Variants in MIPOL1 observed in about 807,000 individuals in gnomAD.
MIPOL1 encodes the protein mirror-image polydactyly gene 1 protein.
In MIPOL1, 57 loss-of-function variants were observed where a neutral mutation model predicts 60.9. That is an observed-to-expected ratio of 0.94 (90% CI 0.76 to 1.17). The LOEUF is 1.17. MIPOL1 is among the 50% of genes most tolerant of loss of function. The probability of loss-of-function intolerance (pLI) is 0.00; values close to 1 mark genes in which losing one functional copy is unlikely to be tolerated. For synonymous variants in MIPOL1, 179 were observed against 168.8 expected, an observed-to-expected ratio of 1.06 and a Z score of -0.47; for missense variants, 551 against 511.6, an observed-to-expected ratio of 1.08 and a Z score of -0.74.
chr14:37,357,719 T>G (rs189423741), intron 9 of MIPOL1, among the ~76,000 whole-genome samples: 1 of 152,152 alleles, frequency 6.6e-6, no homozygotes, highest in Admixed American at 6.5e-5. Context: ...TTGTCTCTTC[T>G]CTTTATTGAT....
At chr14:37,541,744 CA>C (rs1268433542) in intron 12 of MIPOL1, among the ~76,000 whole-genome samples, 1 of 152,116 alleles carries the variant, frequency 6.6e-6, no homozygotes, top group Non-Finnish European at 1.5e-5. Flanking sequence ...CAGAATTATC[CA>C]CAGATATATT....
chr14:37,333,932 A>G (rs2089924274), intron 9 of MIPOL1, among the ~76,000 whole-genome samples: 1 of 152,072 alleles, frequency 6.6e-6, no homozygotes, highest in Non-Finnish European at 1.5e-5. Flanking sequence ...AGATAAGACT[A>G]TATGCTGGAC....
intron 11 of MIPOL1, among the ~76,000 whole-genome samples, chr14:37,466,414 A>G (rs2094598945): frequency 6.6e-6 from 1 of 152,200 alleles, no homozygotes; most frequent in Admixed American, 6.5e-5. Flanking sequence ...CAAATTATTT[A>G]TGGAATGGAA....
intron 9 of MIPOL1, among the ~76,000 whole-genome samples, chr14:37,315,183 G>A (rs1357126292): frequency 6.6e-6 from 1 of 152,164 alleles, no homozygotes; most frequent in Non-Finnish European, 1.5e-5. Context: ...AAGAAGAGAA[G>A]TATCCAGCTG....
chr14:37,308,130 T>C (rs746582475), intron 8 of MIPOL1, 41 bp downstream of exon 8: 4 of 1,577,134 alleles, frequency 2.5e-6, no homozygotes, highest in South Asian at 1.1e-5. Flanking sequence ...GTCAGTCTTA[T>C]ATCTTAGAGG....
intron 6 of MIPOL1, among the ~76,000 whole-genome samples, chr14:37,285,074 A>T (rs1219600768): frequency 6.6e-6 from 1 of 152,222 alleles, no homozygotes; most frequent in Non-Finnish European, 1.5e-5. Context: ...TCACAGGCTT[A>T]CAACATTTGC....
chr14:37,281,493 C>T (rs2084103556), intron 6 of MIPOL1, among the ~76,000 whole-genome samples: 1 of 152,200 alleles, frequency 6.6e-6, no homozygotes, highest in Admixed American at 6.5e-5. Flanking sequence ...CAACCTCCGC[C>T]TCCCAGGTTC....
At chr14:37,233,573 G>A (rs1052703029) in intron 1 of MIPOL1, among the ~76,000 whole-genome samples, 18 of 152,054 alleles carry the variant, frequency 1.2e-4, no homozygotes, top group East Asian at 3.9e-4. Context: ...ATTAGCTGAC[G>A]AAAAATGAAT....
At chr14:37,258,267 A>G (rs994995473) in intron 3 of MIPOL1, among the ~76,000 whole-genome samples, 4 of 152,138 alleles carry the variant, frequency 2.6e-5, no homozygotes, top group Admixed American at 6.6e-5. Flanking sequence ...TATCTTTTAT[A>G]GATTATTTAT....
At chr14:37,435,725 G>A (rs1340158483) in intron 11 of MIPOL1, among the ~76,000 whole-genome samples, 1 of 151,984 alleles carries the variant, frequency 6.6e-6, no homozygotes, top group Non-Finnish European at 1.5e-5. Context: ...GAGAGAAGGG[G>A]ACATTTTAAC....
intron 6 of MIPOL1, among the ~76,000 whole-genome samples, chr14:37,272,123 T>G (rs2083344346): frequency 6.6e-6 from 1 of 151,538 alleles, no homozygotes; most frequent in East Asian, 1.9e-4. Flanking sequence ...ATGTCAATTA[T>G]TTAAAAGATG....
chr14:37,331,803 T>C (rs1340732188), intron 9 of MIPOL1, among the ~76,000 whole-genome samples: 9 of 152,210 alleles, frequency 5.9e-5, no homozygotes, highest in Non-Finnish European at 1.2e-4. Context: ...TTCAGTAATA[T>C]GTTGAATAAA....
intron 11 of MIPOL1, among the ~76,000 whole-genome samples, chr14:37,472,623 T>C (rs1258120519): frequency 6.6e-6 from 1 of 152,184 alleles, no homozygotes. Flanking sequence ...TAATTTTATC[T>C]AGCCTTCAAT....
intron 1 of MIPOL1, among the ~76,000 whole-genome samples, chr14:37,220,512 A>G (rs1968565528): frequency 6.6e-6 from 1 of 152,202 alleles, no homozygotes; most frequent in Admixed American, 6.5e-5. Context: ...ATTGTGTGTT[A>G]TAGCTTATGA....
intron 3 of MIPOL1, among the ~76,000 whole-genome samples, chr14:37,266,517 A>C (rs1032805021): frequency 6.6e-6 from 1 of 152,192 alleles, no homozygotes; most frequent in Non-Finnish European, 1.5e-5. Context: ...AAGTAACTCA[A>C]ATGAAAAGCA....
intron 1 of MIPOL1, among the ~76,000 whole-genome samples, chr14:37,200,223 G>A (rs1321920749): frequency 2.0e-5 from 3 of 152,166 alleles, no homozygotes; most frequent in Non-Finnish European, 4.4e-5. Context: ...TGTATTTTAG[G>A]TTGTACAGGC....
chr14:37,376,326 G>A (rs376565232), intron 10 of MIPOL1, among the ~76,000 whole-genome samples: 30 of 152,240 alleles, frequency 2.0e-4, no homozygotes, highest in African/African-American at 7.2e-4. Context: ...ATCCTCTGTG[G>A]TCTGCCTGTT....
At chr14:37,365,197 A>C (rs1203362861) in intron 9 of MIPOL1, among the ~76,000 whole-genome samples, 1 of 152,028 alleles carries the variant, frequency 6.6e-6, no homozygotes, top group South Asian at 2.1e-4. Context: ...GATGCCCTTT[A>C]TTTCTTTCTC....
At chr14:37,268,556 A>G (rs2083051212) in intron 4 of MIPOL1, 102 bp from the exon 5 acceptor site, 2 of 837,352 alleles carry the variant, frequency 2.4e-6, no homozygotes, top group African/African-American at 1.8e-5. Context: ...CCCTTCCTTT[A>G]TGGTGTTTGC....
Sources: allele counts gnomAD v4.1 joint callset (sites outside exome capture counted in the v4.1 genomes callset), GRCh38; gene constraint gnomAD v4.1.1; transcripts MANE v1.5; gene names NCBI Gene and HGNC (gene_info 2026-07-23, HGNC 2026-07-21).